Variants in GAS7 observed in about 807,000 individuals in gnomAD.
The protein encoded by GAS7 is growth arrest-specific protein 7.
A neutral mutation model predicts 71.1 loss-of-function variants in GAS7; 28 were observed. That is an observed-to-expected ratio of 0.39 (90% CI 0.29 to 0.54). The LOEUF is 0.54. GAS7 is among the 20% of genes least tolerant of loss of function. The probability of loss-of-function intolerance (pLI) is 0.62; values close to 1 mark genes in which losing one functional copy is unlikely to be tolerated. For missense variants in GAS7, 436 were observed against 627.8 expected, an observed-to-expected ratio of 0.69 and a Z score of 3.27; for synonymous variants, 258 against 245.8, an observed-to-expected ratio of 1.05 and a Z score of -0.46.
In GAS7 at chr17:10,101,266, G is replaced by T. The variant is rs150142142; in HGVS notation, c.184-81369C>A. ...GTCACCATAAGTCTCAATCAGAGGA[G>T]AATCTGCTTCCAAACTCATTCATGT... On this transcript the variant is annotated intron_variant, in intron 1 of 13. Transcript: ENST00000432992. 1.3e-3 allele frequency among the ~76,000 whole-genome samples: 194 copies of T among 152,276 alleles called. 1 individual carries two copies. The highest frequency in any genetic ancestry group is 4.4e-3 in the African/African-American group (183 of 41,564).
At chr17:10,166,908 C>T (rs1160603031) in intron 1 of GAS7, among the ~76,000 whole-genome samples, 1 of 152,128 alleles carries the variant, frequency 6.6e-6, no homozygotes, top group Non-Finnish European at 1.5e-5. Flanking sequence ...TCCAGAGATC[C>T]CCAAAAGTCT....
intron 3 of GAS7, among the ~76,000 whole-genome samples, chr17:9,970,504 C>T (rs1377447180): frequency 2.0e-5 from 3 of 152,020 alleles, no homozygotes; most frequent in Non-Finnish European, 4.4e-5. Flanking sequence ...TGGTGGCAGG[C>T]ACCTGTAATC....
chr17:9,943,521 A>G (rs1347139928), intron 6 of GAS7, among the ~76,000 whole-genome samples: 1 of 152,192 alleles, frequency 6.6e-6, no homozygotes, highest in African/African-American at 2.4e-5. Flanking sequence ...AGTGTCCAAG[A>G]GCACCGGCTG....
chr17:10,127,266 A>T (rs1311175361), intron 1 of GAS7, among the ~76,000 whole-genome samples: 1 of 152,122 alleles, frequency 6.6e-6, no homozygotes, highest in Non-Finnish European at 1.5e-5. Flanking sequence ...CCCTCCTCAG[A>T]TGCAGCCTCA....
At chr17:9,937,369 G>A (rs1380398469) in intron 8 of GAS7, among the ~76,000 whole-genome samples, 3 of 152,238 alleles carry the variant, frequency 2.0e-5, no homozygotes, top group Non-Finnish European at 4.4e-5. Context: ...CTGGAGAGAT[G>A]GAAGCCGGAA....
At position 10,053,587 on chromosome 17, in the gene GAS7, A is replaced by T. The variant is rs76659887; in HGVS notation, c.184-33690T>A. Among the ~76,000 whole-genome samples the T allele has an allele frequency of 6.1e-3, 924 of 152,264 alleles. 25 individuals are homozygous for T. In the East Asian group the frequency reaches 0.099, roughly 16 times the overall value. The stretch of plus-strand genomic sequence containing the variant: ...AGCCCAGGAACCATCTCTCCAGAAC[A>T]GTTGAAGGCACCAGGTCTCTTCATC... On this transcript the variant is annotated intron_variant, in intron 1 of 13. Transcript: ENST00000432992.
intron 1 of GAS7, among the ~76,000 whole-genome samples, chr17:10,144,986 C>T (rs187323245): frequency 1.3e-5 from 2 of 152,330 alleles, no homozygotes; most frequent in Admixed American, 1.3e-4. Flanking sequence ...TAATCAGAGA[C>T]AGGCAACTGG....
At chr17:10,076,131 G>A (rs2073387382) in intron 1 of GAS7, among the ~76,000 whole-genome samples, 1 of 132,048 alleles carries the variant, frequency 7.6e-6, no homozygotes, top group African/African-American at 2.9e-5. Flanking sequence ...AAAGGGAAAG[G>A]GAAAACGAAG....
chr17:9,987,148 A>C (rs1567858341), intron 2 of GAS7, among the ~76,000 whole-genome samples: 1 of 152,216 alleles, frequency 6.6e-6, no homozygotes, highest in Non-Finnish European at 1.5e-5. Flanking sequence ...CTGGACGTCC[A>C]TCCCTGTGGT....
At chr17:10,179,546 G>T (rs534142661) in intron 1 of GAS7, among the ~76,000 whole-genome samples, 7 of 152,222 alleles carry the variant, frequency 4.6e-5, no homozygotes, top group African/African-American at 1.4e-4. Context: ...TTTATCACAT[G>T]CAGGGAGGAT....
At chr17:9,947,439 G>A (rs1259172846) in intron 5 of GAS7, among the ~76,000 whole-genome samples, 1 of 152,168 alleles carries the variant, frequency 6.6e-6, no homozygotes, top group Admixed American at 6.5e-5. Flanking sequence ...TGGTGATGAA[G>A]TTCTTAAATT....
At chr17:9,920,131 C>T (rs886999001) in intron 11 of GAS7, among the ~76,000 whole-genome samples, 1 of 150,428 alleles carries the variant, frequency 6.6e-6, no homozygotes, top group Non-Finnish European at 1.5e-5. Flanking sequence ...ACATGTCACA[C>T]ACAATTTGGT....
intron 1 of GAS7, among the ~76,000 whole-genome samples, chr17:10,112,528 G>T (rs1276952107): frequency 6.6e-6 from 1 of 152,174 alleles, no homozygotes; most frequent in Non-Finnish European, 1.5e-5. Context: ...CTGAGGTGAG[G>T]AGTTCGAGAC....
chr17:9,972,256 C>T (rs2070000375), intron 3 of GAS7, among the ~76,000 whole-genome samples: 1 of 152,160 alleles, frequency 6.6e-6, no homozygotes, highest in South Asian at 2.1e-4. Context: ...GCTTAAGAGG[C>T]AAGGACAGGA....
chr17:10,062,410 G>C (rs1448089840), intron 1 of GAS7, among the ~76,000 whole-genome samples: 1 of 152,150 alleles, frequency 6.6e-6, no homozygotes, highest in Non-Finnish European at 1.5e-5. Context: ...ACTTGAACCC[G>C]GGAGGTGGAG....
intron 1 of GAS7, among the ~76,000 whole-genome samples, chr17:10,174,686 C>T (rs1227870609): frequency 1.3e-5 from 2 of 151,264 alleles, no homozygotes; most frequent in African/African-American, 2.4e-5. Context: ...AGCGAGACTC[C>T]GTATCAAAAA....
chr17:9,993,074 T>C (rs2070907275), intron 2 of GAS7, among the ~76,000 whole-genome samples: 1 of 152,246 alleles, frequency 6.6e-6, no homozygotes, highest in East Asian at 1.9e-4. Context: ...TACATGTGCA[T>C]CTGTCTTTAT....
chr17:10,009,447 A>C (rs1325033702), intron 2 of GAS7, among the ~76,000 whole-genome samples: 1 of 152,110 alleles, frequency 6.6e-6, no homozygotes, highest in Non-Finnish European at 1.5e-5. Flanking sequence ...CAAGAAAATT[A>C]CTATTTGGCA....
rs550196057 is a variant in GAS7 at position 10,105,821 on chromosome 17, T to C, written c.184-85924A>G. ...CCCACCTCTCCACCCCAAAGTATAC[T>C]CGTGAGATCAGGGACCTGGGTAGTC... On this transcript the variant is annotated intron_variant, in intron 1 of 13. Transcript: ENST00000432992. Among the ~76,000 whole-genome samples the C allele has an allele frequency of 2.0e-5, 3 of 152,258 alleles. No individual in the cohort carries two copies. In the East Asian group the frequency reaches 5.8e-4, roughly 29 times the overall value.
Sources: allele counts gnomAD v4.1 joint callset (sites outside exome capture counted in the v4.1 genomes callset), GRCh38; gene constraint gnomAD v4.1.1; transcripts MANE v1.5; gene names NCBI Gene and HGNC (gene_info 2026-07-23, HGNC 2026-07-21).